The following KATNB1 variants were observed in gnomAD, a reference collection of about 807,000 sequenced individuals.
KATNB1 encodes the protein katanin regulatory subunit B1, also known as katanin p80 WD40 repeat-containing subunit B1.
Under a neutral mutation model 82.3 loss-of-function variants are expected in KATNB1, and 38 were observed. The ratio of observed to expected loss-of-function variants is 0.46; its 90% CI spans 0.36 to 0.61. KATNB1 has a LOEUF of 0.61. Among genes scored for constraint, KATNB1 ranks in the 20% least tolerant of loss-of-function variants. The probability of loss-of-function intolerance (pLI) is 0.00; values close to 1 mark genes in which losing one functional copy is unlikely to be tolerated. For synonymous variants in KATNB1, 361 were observed against 368.7 expected (o/e 0.98, Z 0.24); for missense variants, 749 against 915.7 (o/e 0.82, Z 2.35).
Position 57,751,192 on chromosome 16 carries a change from G to T in KATNB1, c.391-69G>T. The T allele has an allele frequency of 6.8e-7, 1 of 1,477,974 alleles. No homozygotes were observed. Among genetic ancestry groups the T allele is most frequent in the Non-Finnish European group, 9.5e-7 (1 of 1,056,450 alleles). The allele number at this position is 1,477,974 out of a possible 1,614,324, so 91.6% of individuals were successfully genotyped here. Reference sequence around the variant, plus strand: ...TGGGCCCCACCGTCTGCTCACGACTGCACACCTTCCTCCAGTCGTGGCTCT... The same window carrying T: ...TGGGCCCCACCGTCTGCTCACGACTTCACACCTTCCTCCAGTCGTGGCTCT... On this transcript the variant is annotated intron_variant, in intron 5 of 19. Coordinates refer to ENST00000379661, the MANE Select transcript of KATNB1 (RefSeq NM_005886.3). This position sits in a 1 kb window ranked among gnomAD's most constrained non-coding sequence, Gnocchi z 6.3.
At chr16:57,740,978 G>C (rs1325831066) in intron 2 of KATNB1, among the ~76,000 whole-genome samples, 1 of 152,238 alleles carries the variant, frequency 6.6e-6, no homozygotes, top group Non-Finnish European at 1.5e-5. Context: ...TCAGCATCAG[G>C]TGTGAGCAGA....
At chr16:57,738,865 TGG>T (rs1396645322) in intron 2 of KATNB1, among the ~76,000 whole-genome samples, 1 of 148,792 alleles carries the variant, frequency 6.7e-6, no homozygotes, top group Non-Finnish European at 1.5e-5. Context: ...GCTCAGAGCC[TGG>T]GGAGAGCAAC....
At chr16:57,738,873 G>A (rs1315643549) in intron 2 of KATNB1, among the ~76,000 whole-genome samples, 1 of 150,356 alleles carries the variant, frequency 6.7e-6, no homozygotes, top group East Asian at 2.0e-4. Flanking sequence ...CCTGGGGAGA[G>A]CAACAGGCAG....
intron 8 of KATNB1, 55 bp from the exon 9 acceptor site, chr16:57,752,475 T>C (rs540461201): frequency 2.5e-5 from 37 of 1,467,622 alleles, no homozygotes; most frequent in Middle Eastern, 1.7e-4. Flanking sequence ...CCCAGGGACA[T>C]GTGGAGGCCA....
Position 57,756,409 on chromosome 16 carries a change from C to T in KATNB1, c.1772C>T (p.Pro591Leu), listed in dbSNP as rs782727772. 1 of 1,614,010 alleles carries T rather than the reference C, an allele frequency of 6.2e-7. No individual in the cohort carries two copies. Among genetic ancestry groups the T allele is most frequent in the Admixed American group, 1.7e-5 (1 of 60,018 alleles). The change falls in exon 19 of 20, where the codon CCC (proline) becomes CTC (leucine). Residue 591 changes from proline (P) to leucine (L), a missense_variant. By Grantham distance (98) the Pro-to-Leu change is moderately conservative (BLOSUM62 -3). Around this residue, in one of 3 missense-constraint regions of KATNB1, gnomAD observed 95 missense variants for 131.6 expected, o/e 0.72. Transcript: ENST00000379661. ...AAGCTGATCCTGCAGCGGTTTCTGC[C>T]CCTCATCACAGACATGCTGGCGGCC... ...SLKLILQRFL[P>L]LITDMLAAPP...
At position 57,752,774 on chromosome 16, in the gene KATNB1, C is replaced by T. The variant is rs1555583848; in HGVS notation, c.705-4C>T. The T allele has an allele frequency of 1.9e-6, 3 of 1,609,156 alleles. No homozygotes were observed. The highest frequency in any genetic ancestry group is 1.1e-5 in the South Asian group (1 of 90,588). On this transcript the variant is annotated splice_polypyrimidine_tract_variant and splice_region_variant and intron_variant, in intron 9 of 19. Coordinates refer to ENST00000379661, the MANE Select transcript of KATNB1 (RefSeq NM_005886.3). ...GACCCACGGCCATCTCTCGCCTGGC[C>T]CAGGAGCGTCCTCTTCAACCCAGAC...
intron 4 of KATNB1, among the ~76,000 whole-genome samples, chr16:57,749,262 C>T (rs182843829): frequency 1.4e-4 from 21 of 152,326 alleles, no homozygotes; most frequent in South Asian, 6.2e-4. Flanking sequence ...GTGCAGAGCC[C>T]GTGCTAAGCA....
At position 57,751,063 on chromosome 16, in the gene KATNB1, G is replaced by C. The variant is rs1392298386; in HGVS notation, c.390+136G>C. 2.4e-6 allele frequency: 2 copies of C among 848,002 alleles called. No individual in the cohort carries two copies. Among genetic ancestry groups the C allele is most frequent in the Non-Finnish European group, 3.9e-6 (2 of 515,654 alleles). The allele number at this position is 848,002 out of a possible 1,614,324, so 52.5% of individuals were successfully genotyped here. A position where few individuals can be genotyped will look rare whatever the true frequency, so the allele number is the denominator to read the frequency against. ...CCACATCCACACCATCCTAGGGAAA[G>C]CGGGTGGCAGGCATCTATCTGCCAG... On this transcript the variant is annotated intron_variant, in intron 5 of 19. Transcript: ENST00000379661. This position sits in a 1 kb window ranked among gnomAD's most constrained non-coding sequence, Gnocchi z 6.3.
intron 4 of KATNB1, among the ~76,000 whole-genome samples, chr16:57,746,193 A>C (rs1236051113): frequency 6.6e-6 from 1 of 152,140 alleles, no homozygotes; most frequent in African/African-American, 2.4e-5. Context: ...TTGAGTATAG[A>C]GTTCTATGTT....
At chr16:57,741,439 C>T (rs1399891230) in intron 2 of KATNB1, among the ~76,000 whole-genome samples, 1 of 152,204 alleles carries the variant, frequency 6.6e-6, no homozygotes, top group African/African-American at 2.4e-5. Flanking sequence ...GGAAGAAAAT[C>T]GTGAAGTCTA....
intron 13 of KATNB1, 32 bp from the exon 14 acceptor site, chr16:57,754,898 C>G (rs542975958): frequency 7.4e-6 from 12 of 1,612,672 alleles, no homozygotes; most frequent in Non-Finnish European, 9.3e-6. Flanking sequence ...CCCTTCTGGC[C>G]GGACCCAGTC....
chr16:57,740,483 C>T (rs1373464820), intron 2 of KATNB1, among the ~76,000 whole-genome samples: 1 of 152,244 alleles, frequency 6.6e-6, no homozygotes, highest in Non-Finnish European at 1.5e-5. Flanking sequence ...CAGGAGGGGC[C>T]TCTGTGGAGC....
At chr16:57,754,059 C>A in intron 13 of KATNB1, 64 bp downstream of exon 13, 6 of 1,377,476 alleles carry the variant, frequency 4.4e-6, no homozygotes. Flanking sequence ...TCTTCTCTTC[C>A]TGTGAACCCT....
intron 4 of KATNB1, among the ~76,000 whole-genome samples, chr16:57,746,272 T>C (rs1163053282): frequency 2.0e-5 from 3 of 152,226 alleles, no homozygotes; most frequent in African/African-American, 4.8e-5. Flanking sequence ...TAGGTTGCTA[T>C]TGGGAGGGGC....
Position 57,755,350 on chromosome 16 carries a change from G to C in KATNB1, c.1422G>C (p.Val474=). 1.9e-6 allele frequency: 3 copies of C among 1,613,202 alleles called. No individual in the cohort carries two copies. The highest frequency in any genetic ancestry group is 2.5e-6 in the Non-Finnish European group (3 of 1,179,998). ...TGGGTGTCCATCCCACGCAGGCCGT[G>C]AAGATCCCCCAGCAGGCCGAGCTGG... ...GLKASDFLPA[V]KIPQQAELVD... is the part of the protein sequence containing the mutation. Residue 474 remains valine (V), a synonymous_variant, in exon 16 of 20, where the codon GTG becomes GTC. Coordinates refer to ENST00000379661, the MANE Select transcript of KATNB1 (RefSeq NM_005886.3).
intron 8 of KATNB1, 125 bp downstream of exon 8, chr16:57,752,180 A>G: frequency 1.4e-6 from 1 of 715,012 alleles, no homozygotes. Context: ...TCCTGTGTGG[A>G]CTGAATTGGA....
Position 57,751,886 on chromosome 16 carries a change from G to A in KATNB1, c.517-54G>A. On this transcript the variant is annotated intron_variant, in intron 7 of 19. Transcript: ENST00000379661. This position sits in a 1 kb window ranked among gnomAD's most constrained non-coding sequence, Gnocchi z 6.3. ...AGAGCTTGGCCTGGATTAGAGGGAG[G>A]GTGGGCAGCCAAGATGCCTGGTCAC... 1.4e-6 allele frequency: 2 copies of A among 1,470,684 alleles called. No homozygotes were observed. The highest frequency in any genetic ancestry group is 1.9e-6 in the Non-Finnish European group (2 of 1,055,454). The allele number at this position is 1,470,684 out of a possible 1,614,324, so 91.1% of individuals were successfully genotyped here. A position where few individuals can be genotyped will look rare whatever the true frequency, so the allele number is the denominator to read the frequency against.
At chr16:57,752,172 C>G in intron 8 of KATNB1, 117 bp downstream of exon 8, 2 of 725,096 alleles carry the variant, frequency 2.8e-6, no homozygotes. Flanking sequence ...TCTGATGATC[C>G]TGTGTGGACT....
At position 57,752,854 on chromosome 16, in the gene KATNB1, C is replaced by A; in HGVS notation, c.781C>A (p.Pro261Thr). The A allele has an allele frequency of 6.2e-7, 1 of 1,609,882 alleles. No individual in the cohort carries two copies. Residue 261 changes from proline (P) to threonine (T), a missense_variant, in exon 10 of 20, where the codon CCT (proline) becomes ACT (threonine). Around this residue, in one of 3 missense-constraint regions of KATNB1, gnomAD observed 407 missense variants for 434.7 expected, o/e 0.94. Transcript: ENST00000379661. The part of the protein sequence containing the change: ...QDSLRVYGWE[P>T]ERCFDVVLVN... The stretch of plus-strand genomic sequence containing the variant: ...CTCACTGCGTGTCTACGGCTGGGAA[C>A]CTGAGCGGTGCTTTGATGTGGTCCT...
Sources: allele counts gnomAD v4.1 joint callset (sites outside exome capture counted in the v4.1 genomes callset), GRCh38; gene constraint gnomAD v4.1.1; regional missense constraint gnomAD v4.1.1; non-coding constraint Gnocchi (gnomAD v3.1); transcripts MANE v1.5; gene names NCBI Gene and HGNC (gene_info 2026-07-23, HGNC 2026-07-21).